PDE1C: variants seen among roughly 807,000 people sequenced by gnomAD.
The protein encoded by PDE1C is phosphodiesterase 1C.
A neutral mutation model predicts 93.1 loss-of-function variants in PDE1C; 62 were observed. The observed-to-expected ratio is 0.67, with a 90% CI of 0.54 to 0.82. The LOEUF (loss-of-function observed/expected upper bound fraction) is 0.82, where lower values mean the gene tolerates loss of function less well. PDE1C is among the 40% of genes least tolerant of loss of function. The pLI, the probability that PDE1C is intolerant of heterozygous loss-of-function variation, is 0.00. For synonymous variants in PDE1C, 325 were observed against 310.1 expected (o/e 1.05, Z -0.50); for missense variants, 742 against 884.6 (o/e 0.84, Z 2.04).
intron 2 of PDE1C, among the ~76,000 whole-genome samples, chr7:32,176,208 G>T (rs1463005454): frequency 1.3e-5 from 2 of 152,040 alleles, no homozygotes; most frequent in Non-Finnish European, 2.9e-5. Flanking sequence ...TTATGTAATG[G>T]ATTGCTATGC....
chr7:32,176,592 T>C (rs1313619575), intron 2 of PDE1C, among the ~76,000 whole-genome samples: 1 of 152,212 alleles, frequency 6.6e-6, no homozygotes, highest in Non-Finnish European at 1.5e-5. Context: ...TATGTGATAT[T>C]AGTAACATAA....
intron 1 of PDE1C, among the ~76,000 whole-genome samples, chr7:32,330,440 C>T (rs947790318): frequency 8.5e-5 from 13 of 152,198 alleles, no homozygotes; most frequent in Non-Finnish European, 1.8e-4. Context: ...CACAGACTCT[C>T]CAAAGGAGAC....
intron 2 of PDE1C, among the ~76,000 whole-genome samples, chr7:31,962,034 A>G (rs1809067079): frequency 6.6e-6 from 1 of 152,236 alleles, no homozygotes; most frequent in Non-Finnish European, 1.5e-5. Context: ...AACTGATGGT[A>G]TACTGTTATC....
Position 31,847,955 on chromosome 7 carries a change from T to C in PDE1C, c.980+13A>G. The C allele has an allele frequency of 1.2e-6, 2 of 1,612,094 alleles. No homozygotes were observed. The highest frequency in any genetic ancestry group is 1.7e-6 in the Non-Finnish European group (2 of 1,179,190). ...TCCCTGGCCTACAAATCTCTCTCTT[T>C]TCTCATCCTTACCTCCAGTCATCCT... is the stretch of plus-strand genomic sequence containing the variant. On this transcript the variant is annotated intron_variant, in intron 9 of 17. Transcript: ENST00000396191.
At chr7:31,882,167 C>G (rs1046755596) in intron 2 of PDE1C, among the ~76,000 whole-genome samples, 12 of 152,114 alleles carry the variant, frequency 7.9e-5, no homozygotes, top group African/African-American at 2.7e-4. Flanking sequence ...ATATAAAATA[C>G]AAATAACATT....
intron 1 of PDE1C, among the ~76,000 whole-genome samples, chr7:32,260,237 C>T (rs1345258724): frequency 1.3e-5 from 2 of 152,218 alleles, no homozygotes; most frequent in African/African-American, 4.8e-5. Flanking sequence ...TGAACGCAGT[C>T]CCACCAAAAG....
At chr7:32,095,786 G>T (rs1486511431) in intron 3 of PDE1C, among the ~76,000 whole-genome samples, 1 of 152,156 alleles carries the variant, frequency 6.6e-6, no homozygotes, top group Non-Finnish European at 1.5e-5. Context: ...CTTACGCGAT[G>T]TGAATATACT....
At chr7:32,212,445 C>T (rs886238298) in intron 1 of PDE1C, among the ~76,000 whole-genome samples, 2 of 152,158 alleles carry the variant, frequency 1.3e-5, no homozygotes, top group African/African-American at 4.8e-5. Context: ...TCGCCACCAG[C>T]GTGATTTCCC....
At chr7:31,628,613 A>T in the PDE1C span, among the ~76,000 whole-genome samples, 1 of 151,710 alleles carries the variant, frequency 6.6e-6, no homozygotes. Flanking sequence ...GCCCGCCACC[A>T]CGCCCCGCTA....
chr7:31,880,342 C>T (rs186517135), intron 3 of PDE1C, among the ~76,000 whole-genome samples: 25 of 152,214 alleles, frequency 1.6e-4, no homozygotes, highest in African/African-American at 4.3e-4. Context: ...ACATGCTTCT[C>T]GATCACTTCA....
chr7:32,306,973 A>C (rs150914099), intron 1 of PDE1C, among the ~76,000 whole-genome samples: 41 of 152,298 alleles, frequency 2.7e-4, no homozygotes, highest in Admixed American at 5.2e-4. Context: ...TCCCAATCTG[A>C]TTCCGGACTC....
At chr7:31,697,258 C>T in the PDE1C span, 5 of 1,019,942 alleles carry the variant, frequency 4.9e-6, 1 homozygote, top group South Asian at 3.5e-5. Context: ...AGAAGCCACA[C>T]TCAGTGCTAC....
intron 3 of PDE1C, 31 bp downstream of exon 3, chr7:31,880,716 A>G (rs1178896370): frequency 3.0e-6 from 4 of 1,317,986 alleles, no homozygotes; most frequent in Non-Finnish European, 4.4e-6. Context: ...TACTATCACT[A>G]TACTAATCTC....
At chr7:31,786,470 G>C (rs1041303376) in intron 16 of PDE1C, 17 of 152,158 alleles carry the variant, frequency 1.1e-4, no homozygotes, top group African/African-American at 4.1e-4. Flanking sequence ...GCCTTTAGCA[G>C]TGTGCTTGGC....
At chr7:32,336,554 TAACTGGGAGTTCACTG>T (rs1262892534) in intron 1 of PDE1C, among the ~76,000 whole-genome samples, 1 of 152,184 alleles carries the variant, frequency 6.6e-6, no homozygotes, top group Non-Finnish European at 1.5e-5. Context: ...GGAACTCTCT[TAACTGGGAGTTCACTG>T]AACTTAGGTT....
At chr7:32,074,003 CATACATAT>C (rs935038664), upstream of PDE1C, among the ~76,000 whole-genome samples, 2 of 151,780 alleles carry the variant, frequency 1.3e-5, no homozygotes, top group Admixed American at 6.5e-5. Context: ...TGCATACATA[CATACATAT>C]ATATATATGC....
chr7:32,268,770 T>A (rs1810777333), intron 1 of PDE1C, among the ~76,000 whole-genome samples: 1 of 152,226 alleles, frequency 6.6e-6, no homozygotes, highest in Non-Finnish European at 1.5e-5. Context: ...CCAAAAAATA[T>A]GCCTCTTTTC....
At chr7:32,171,483 ATAT>A (rs1295461534) in intron 2 of PDE1C, among the ~76,000 whole-genome samples, 26 of 149,792 alleles carry the variant, frequency 1.7e-4, no homozygotes, top group Admixed American at 4.0e-4. Flanking sequence ...TATTTACTTA[ATAT>A]TATTATTTTA....
chr7:31,621,051 T>A, the PDE1C span, among the ~76,000 whole-genome samples: 1 of 151,466 alleles, frequency 6.6e-6, no homozygotes, highest in Non-Finnish European at 1.5e-5. Flanking sequence ...AAGGGAAGTT[T>A]AGAGAAAAAA....
Sources: allele counts gnomAD v4.1 joint callset (sites outside exome capture counted in the v4.1 genomes callset), GRCh38; gene constraint gnomAD v4.1.1; transcripts MANE v1.5; gene names NCBI Gene and HGNC (gene_info 2026-07-23, HGNC 2026-07-21).